ANKDD1B: variants seen among roughly 807,000 people sequenced by gnomAD.
ANKDD1B encodes ankyrin repeat and death domain-containing protein 1B.
Under a neutral mutation model 59.7 loss-of-function variants are expected in ANKDD1B, and 57 were observed. That is an observed-to-expected ratio of 0.95 (90% CI 0.77 to 1.19). The LOEUF is 1.19. Among genes scored for constraint, ANKDD1B ranks in the 50% most tolerant of loss-of-function variants. ANKDD1B has a pLI of 0.00. For synonymous variants in ANKDD1B, 216 were observed against 239.5 expected (o/e 0.90, Z 0.91); for missense variants, 602 against 641.9 (o/e 0.94, Z 0.67).
chr5:75,611,980 C>T (rs959676438), intron 1 of ANKDD1B, among the ~76,000 whole-genome samples, 153 bp downstream of exon 1: 1 of 152,134 alleles, frequency 6.6e-6, no homozygotes, highest in Non-Finnish European at 1.5e-5. Context: ...CAGCCTGCAC[C>T]GCTGCACTCC....
At chr5:75,614,750 G>C (rs1382788776) in intron 1 of ANKDD1B, among the ~76,000 whole-genome samples, 2 of 152,240 alleles carry the variant, frequency 1.3e-5, no homozygotes, top group Admixed American at 6.5e-5. Flanking sequence ...TGACCAGGTA[G>C]AAGAGAAGAA....
At chr5:75,614,403 G>T (rs1363089876) in intron 1 of ANKDD1B, among the ~76,000 whole-genome samples, 1 of 152,214 alleles carries the variant, frequency 6.6e-6, no homozygotes, top group African/African-American at 2.4e-5. Flanking sequence ...TCCAGAGGAA[G>T]ATATTATCTC....
intron 3 of ANKDD1B, among the ~76,000 whole-genome samples, chr5:75,623,308 G>A (rs1030510051): frequency 2.0e-5 from 3 of 152,046 alleles, no homozygotes; most frequent in Non-Finnish European, 2.9e-5. Flanking sequence ...CAGGTGATCC[G>A]CCCACCTTGG....
chr5:75,670,288 G>T (rs1775439516), intron 13 of ANKDD1B, among the ~76,000 whole-genome samples: 2 of 152,172 alleles, frequency 1.3e-5, no homozygotes, highest in Admixed American at 1.3e-4. Context: ...GGAAACAAAA[G>T]ATATCATTCT....
chr5:75,664,934 T>G (rs1244316638), intron 11 of ANKDD1B, among the ~76,000 whole-genome samples: 1 of 152,194 alleles, frequency 6.6e-6, no homozygotes, highest in African/African-American at 2.4e-5. Flanking sequence ...ACCAAATGCA[T>G]TTATTATTTT....
At chr5:75,660,234 A>G (rs166184) in intron 10 of ANKDD1B, among the ~76,000 whole-genome samples, 151,689 of 152,346 alleles carry the variant, frequency 1, 75,520 homozygotes, top group East Asian at 1. Flanking sequence ...CTTTACACTT[A>G]TTCAATAACT....
At chr5:75,670,324 T>G (rs1775440688) in intron 13 of ANKDD1B, among the ~76,000 whole-genome samples, 2 of 152,240 alleles carry the variant, frequency 1.3e-5, no homozygotes, top group African/African-American at 4.8e-5. Flanking sequence ...GTTTTACTAG[T>G]GGTATTTCCA....
At chr5:75,644,972 A>C (rs201300114) in intron 7 of ANKDD1B, among the ~76,000 whole-genome samples, 2,622 of 131,212 alleles carry the variant, frequency 0.02, 300 homozygotes, top group African/African-American at 0.044. Context: ...CTACATGGAA[A>C]CTGAACAACC....
At chr5:75,630,763 A>G (rs1003821864) in intron 5 of ANKDD1B, among the ~76,000 whole-genome samples, 1 of 152,242 alleles carries the variant, frequency 6.6e-6, no homozygotes, top group South Asian at 2.1e-4. Context: ...TTGAGGGTGT[A>G]TCTTGCCAGC....
chr5:75,620,763 A>G (rs752481729), intron 3 of ANKDD1B, among the ~76,000 whole-genome samples: 1 of 152,220 alleles, frequency 6.6e-6, no homozygotes, highest in Non-Finnish European at 1.5e-5. Context: ...ACTTTGCTCT[A>G]TGAACTCTGA....
chr5:75,667,075 A>G (rs2112034992), intron 12 of ANKDD1B, 82 bp downstream of exon 12: 1 of 923,724 alleles, frequency 1.1e-6, no homozygotes, highest in African/African-American at 1.7e-5. Context: ...TCTTCCAAGG[A>G]AGTGTGTGGC....
intron 7 of ANKDD1B, among the ~76,000 whole-genome samples, chr5:75,637,240 C>CAAAAAAAAAAAAAAAAAAAAAAAA (rs55640131): frequency 5.1e-4 from 36 of 69,928 alleles, no homozygotes; most frequent in Non-Finnish European, 5.9e-4. Flanking sequence ...GACTCTGTCT[C>CAAAAAAAAAAAAAAAAAAAAAAAA]AAAAAAAAAA....
chr5:75,635,294 G>T, intron 6 of ANKDD1B: 1 of 263,052 alleles, frequency 3.8e-6, no homozygotes, highest in African/African-American at 2.2e-5. Flanking sequence ...TCTCCTGGAG[G>T]CTCAGCCTTA....
intron 3 of ANKDD1B, among the ~76,000 whole-genome samples, chr5:75,623,309 C>T (rs1040718114): frequency 8.5e-5 from 13 of 152,082 alleles, no homozygotes; most frequent in African/African-American, 3.1e-4. Flanking sequence ...AGGTGATCCG[C>T]CCACCTTGGC....
At chr5:75,641,000 G>C (rs557980284) in intron 7 of ANKDD1B, among the ~76,000 whole-genome samples, 15 of 152,142 alleles carry the variant, frequency 9.9e-5, no homozygotes, top group African/African-American at 3.1e-4. Flanking sequence ...TTTTTTCATA[G>C]CAACTAGTGC....
chr5:75,658,102 A>G (rs1385596938), intron 9 of ANKDD1B, among the ~76,000 whole-genome samples: 1 of 152,036 alleles, frequency 6.6e-6, no homozygotes, highest in African/African-American at 2.4e-5. Context: ...GAAACTGAGA[A>G]GGGAGGATTG....
intron 5 of ANKDD1B, among the ~76,000 whole-genome samples, chr5:75,633,221 A>G (rs1379652292): frequency 6.6e-6 from 1 of 152,166 alleles, no homozygotes; most frequent in Non-Finnish European, 1.5e-5. Context: ...ATTTCCTGAG[A>G]ATGAAATCAC....
At chr5:75,667,159 G>A (rs1455906359) in intron 12 of ANKDD1B, among the ~76,000 whole-genome samples, 166 bp downstream of exon 12, 1 of 152,188 alleles carries the variant, frequency 6.6e-6, no homozygotes, top group Non-Finnish European at 1.5e-5. Context: ...CAGTGATTTG[G>A]GCATTAAGAT....
intron 7 of ANKDD1B, among the ~76,000 whole-genome samples, chr5:75,643,241 G>T (rs1350321235): frequency 6.8e-4 from 57 of 84,310 alleles, no homozygotes; most frequent in African/African-American, 5.5e-3. Flanking sequence ...AACAAAGCTG[G>T]ATGGAGAATG....
Sources: allele counts gnomAD v4.1 joint callset (sites outside exome capture counted in the v4.1 genomes callset), GRCh38; gene constraint gnomAD v4.1.1; transcripts MANE v1.5; gene names NCBI Gene and HGNC (gene_info 2026-07-23, HGNC 2026-07-21).